The following MYO18B variants were observed in gnomAD, a reference collection of about 807,000 sequenced individuals.
MYO18B encodes myosin XVIIIB.
Under a neutral mutation model 273.0 loss-of-function variants are expected in MYO18B, and 204 were observed. The observed-to-expected ratio is 0.75, with a 90% CI of 0.67 to 0.84. The LOEUF is 0.84. MYO18B is among the 40% of genes least tolerant of loss of function. The probability of loss-of-function intolerance (pLI) is 0.00; values close to 1 mark genes in which losing one functional copy is unlikely to be tolerated. For synonymous variants in MYO18B, 1,330 were observed against 1,305.7 expected (o/e 1.02, Z -0.40); for missense variants, 3,212 against 3,287.6 (o/e 0.98, Z 0.56).
chr22:26,039,545 G>A, the MYO18B span, among the ~76,000 whole-genome samples: 7 of 152,046 alleles, frequency 4.6e-5, no homozygotes, highest in African/African-American at 1.7e-4. Context: ...TGACTTCCAG[G>A]TGGGGCTGGG....
intron 10 of MYO18B, among the ~76,000 whole-genome samples, chr22:25,783,505 C>A (rs1301123499): frequency 6.6e-6 from 1 of 152,238 alleles, no homozygotes; most frequent in Non-Finnish European, 1.5e-5. Context: ...CTCTCAGACA[C>A]ACACATCACC....
Position 25,851,571 on chromosome 22 carries a change from G to A in MYO18B, c.3877G>A (p.Glu1293Lys), listed in dbSNP as rs1379932992. The change falls in exon 21 of 44, where the codon GAA becomes AAA. Residue 1293 changes from glutamate to lysine, a missense_variant. Glu to Lys is a moderately conservative substitution (Grantham distance 56, BLOSUM62 1). Coordinates refer to ENST00000335473, the MANE Select transcript of MYO18B (RefSeq NM_032608.7). The part of the protein sequence containing the change: ...KLMSTSEGID[E>K]RKAVEELLET... ...CATGTCGACCTCCGAGGGAATAGATGAAAGGAAGGTAGGTGGAGCACATGC... is the reference window on the plus strand; with the variant it reads ...CATGTCGACCTCCGAGGGAATAGATAAAAGGAAGGTAGGTGGAGCACATGC... 6.4e-7 allele frequency: 1 copy of A among 1,554,592 alleles called. No individual in the cohort carries two copies. The highest frequency in any genetic ancestry group is 1.9e-5 in the Admixed American group (1 of 51,438).
the MYO18B span, among the ~76,000 whole-genome samples, chr22:26,043,186 C>T: frequency 6.6e-6 from 1 of 152,178 alleles, no homozygotes; most frequent in African/African-American, 2.4e-5. Context: ...ACTTCTTTCA[C>T]TCAGCAAAAC....
At chr22:25,744,453 C>T (rs1031380136) in intron 1 of MYO18B, among the ~76,000 whole-genome samples, 6 of 152,166 alleles carry the variant, frequency 3.9e-5, no homozygotes, top group African/African-American at 7.2e-5. Flanking sequence ...ACAAAGTGGC[C>T]GGGCGCGGGG....
In MYO18B at chr22:25,761,138, G is replaced by A; in HGVS notation, c.39+7G>A. 6.2e-7 allele frequency: 1 copy of A among 1,613,126 alleles called. No individual in the cohort carries two copies. Among genetic ancestry groups the A allele is most frequent in the Non-Finnish European group, 8.5e-7 (1 of 1,179,890 alleles). ...CGCCCTGTGGGAGCAGAAGGAAAGT[G>A]ACACTCATGGCTGGGGCTGCAGCCA... is the stretch of plus-strand genomic sequence containing the variant. On this transcript the variant is annotated splice_region_variant and intron_variant, in intron 2 of 43. Coordinates refer to ENST00000335473, the MANE Select transcript of MYO18B (RefSeq NM_032608.7).
intron 34 of MYO18B, among the ~76,000 whole-genome samples, chr22:25,925,310 T>TG (rs989841844): frequency 3.3e-5 from 5 of 152,002 alleles, no homozygotes; most frequent in Non-Finnish European, 7.4e-5. Flanking sequence ...GAAGGGGTTC[T>TG]GGGGGGAACC....
intron 34 of MYO18B, among the ~76,000 whole-genome samples, chr22:25,944,106 C>T (rs200578069): frequency 6.6e-6 from 1 of 152,162 alleles, no homozygotes; most frequent in African/African-American, 2.4e-5. Context: ...TGGTTTTGCC[C>T]TGCCTGCCTT....
At chr22:25,873,612 G>A (rs1252213718) in intron 22 of MYO18B, among the ~76,000 whole-genome samples, 1 of 152,050 alleles carries the variant, frequency 6.6e-6, no homozygotes, top group Non-Finnish European at 1.5e-5. Context: ...GGCTAATTTT[G>A]TATTTTTAGT....
At chr22:26,053,764 G>T in the MYO18B span, among the ~76,000 whole-genome samples, 2 of 152,172 alleles carry the variant, frequency 1.3e-5, no homozygotes, top group Admixed American at 6.5e-5. Flanking sequence ...ATGCTCAAGA[G>T]ACTGAGTCCG....
intron 21 of MYO18B, among the ~76,000 whole-genome samples, chr22:25,861,074 G>T (rs1355268164): frequency 6.6e-6 from 1 of 151,958 alleles, no homozygotes; most frequent in Non-Finnish European, 1.5e-5. Context: ...TTTAGAGATA[G>T]GGTCTTACTG....
At chr22:25,828,557 T>G (rs886122345) in intron 14 of MYO18B, among the ~76,000 whole-genome samples, 6 of 152,018 alleles carry the variant, frequency 3.9e-5, no homozygotes, top group Non-Finnish European at 8.8e-5. Context: ...TTTAATTCCT[T>G]TAGTCCTTAT....
intron 25 of MYO18B, among the ~76,000 whole-genome samples, chr22:25,886,033 T>C (rs2091488301): frequency 6.6e-6 from 1 of 152,244 alleles, no homozygotes; most frequent in South Asian, 2.1e-4. Context: ...AGAGTCAGTT[T>C]GGCAGAGTGG....
chr22:25,742,989 G>C (rs2085672793), intron 1 of MYO18B, among the ~76,000 whole-genome samples: 1 of 152,220 alleles, frequency 6.6e-6, no homozygotes, highest in Non-Finnish European at 1.5e-5. Flanking sequence ...TTGACATGGA[G>C]CTCTCTCCCA....
intron 40 of MYO18B, among the ~76,000 whole-genome samples, chr22:25,998,459 C>G (rs1933578712): frequency 6.6e-6 from 1 of 152,170 alleles, no homozygotes; most frequent in South Asian, 2.1e-4. Context: ...CTGGCCCAAT[C>G]TGAGACGAAT....
At chr22:25,948,458 CCT>C (rs2092747976) in intron 36 of MYO18B, among the ~76,000 whole-genome samples, 2 of 123,008 alleles carry the variant, frequency 1.6e-5, no homozygotes, top group African/African-American at 7.1e-5. Context: ...TTCCTTCCTT[CCT>C]TCTTTCTTTC....
rs148087517 is a variant in MYO18B, at chr22:25,919,784, G to A, written c.5365-1473G>A. Among the ~76,000 whole-genome samples, 589 of 151,832 alleles carry A rather than the reference G, an allele frequency of 3.9e-3. 3 individuals are homozygous for A. Among genetic ancestry groups the A allele is most frequent in the African/African-American group, 0.013 (556 of 41,390 alleles). ...AAGACCGTATTCTGAGAACCAACTC[G>A]TTTTTCAAAGAACTCAAAACCAGCA... On this transcript the variant is annotated intron_variant, in intron 33 of 43. Coordinates refer to ENST00000335473, the MANE Select transcript of MYO18B (RefSeq NM_032608.7).
the MYO18B span, among the ~76,000 whole-genome samples, chr22:26,036,873 C>A: frequency 6.6e-6 from 1 of 152,208 alleles, no homozygotes; most frequent in African/African-American, 2.4e-5. Context: ...GAGCAATTTT[C>A]ATTGTTCAGC....
Position 25,780,590 on chromosome 22 carries a change from C to CA in MYO18B, c.2211+428dup, listed in dbSNP as rs59082074. Among the ~76,000 whole-genome samples, 9 of 65,204 alleles carry CA rather than the reference C, an allele frequency of 1.4e-4. No homozygotes were observed. The East Asian group carries it at 1.4e-3, about 10-fold the overall frequency. 42.8% of individuals were successfully genotyped at this position (65,204 alleles called of 152,430 possible). ...GGGCAGCAAGAGCGAAACTCCATCT[C>CA]AAAAAAAAAAAAAAAAAAAAAAAAA... is the stretch of plus-strand genomic sequence containing the variant. On this transcript the variant is annotated intron_variant, in intron 9 of 43. Coordinates refer to ENST00000335473, the MANE Select transcript of MYO18B (RefSeq NM_032608.7).
chr22:25,878,191 A>C, intron 25 of MYO18B, 143 bp downstream of exon 25: 1 of 626,794 alleles, frequency 1.6e-6, no homozygotes, highest in Non-Finnish European at 2.7e-6. Flanking sequence ...ACATGCTGTT[A>C]TTGAACCCAT....
Sources: gnomAD v4.1 joint callset for allele counts (sites outside exome capture counted in the v4.1 genomes callset) on GRCh38, gnomAD v4.1.1 for gene constraint, MANE v1.5 for transcripts, NCBI Gene and HGNC (gene_info 2026-07-23, HGNC 2026-07-21) for gene names.